SLCO1A2: variants seen among roughly 807,000 people sequenced by gnomAD.
SLCO1A2 encodes solute carrier organic anion transporter family member 1A2.
SLCO1A2 carries 67 observed loss-of-function variants against 69.0 expected under a neutral mutation model. That is an observed-to-expected ratio of 0.97 (90% CI 0.80 to 1.19). The LOEUF (loss-of-function observed/expected upper bound fraction) is 1.19. Among genes scored for constraint, SLCO1A2 ranks in the 50% most tolerant of loss-of-function variants. The pLI, the probability that SLCO1A2 is intolerant of heterozygous loss-of-function variation, is 0.00. For synonymous variants in SLCO1A2, 260 were observed against 265.9 expected (o/e 0.98, Z 0.22); for missense variants, 787 against 793.7 (o/e 0.99, Z 0.10).
At chr12:21,357,597 T>G (rs903206736) in intron 2 of SLCO1A2, among the ~76,000 whole-genome samples, 7 of 152,234 alleles carry the variant, frequency 4.6e-5, no homozygotes, top group Non-Finnish European at 7.3e-5. Flanking sequence ...TATGTAAGGA[T>G]TTAGCGTCCA....
chr12:21,272,564 T>C (rs1343264440), intron 14 of SLCO1A2, among the ~76,000 whole-genome samples: 1 of 152,082 alleles, frequency 6.6e-6, no homozygotes, highest in African/African-American at 2.4e-5. Flanking sequence ...TTAACTTACT[T>C]ATATTTTGTT....
At chr12:21,372,194 T>C (rs1340929320) in intron 2 of SLCO1A2, among the ~76,000 whole-genome samples, 1 of 152,210 alleles carries the variant, frequency 6.6e-6, no homozygotes, top group Non-Finnish European at 1.5e-5. Flanking sequence ...GTAAAATTTC[T>C]GTGTAAGAAT....
intron 3 of SLCO1A2, among the ~76,000 whole-genome samples, chr12:21,317,072 C>T (rs1730297664): frequency 6.6e-6 from 1 of 152,206 alleles, no homozygotes; most frequent in Middle Eastern, 3.4e-3. Flanking sequence ...GCTTCCTTTG[C>T]ACCCATATAG....
intron 2 of SLCO1A2, among the ~76,000 whole-genome samples, chr12:21,363,754 G>A (rs1939135442): frequency 6.6e-6 from 1 of 152,150 alleles, no homozygotes; most frequent in Non-Finnish European, 1.5e-5. Flanking sequence ...TACTATCAGA[G>A]AATACTATAA....
chr12:21,305,006 C>A (rs971753080), intron 5 of SLCO1A2, among the ~76,000 whole-genome samples: 4 of 152,194 alleles, frequency 2.6e-5, no homozygotes, highest in Admixed American at 6.5e-5. Flanking sequence ...AAATATATTT[C>A]TCTAGAATTG....
intron 9 of SLCO1A2, 60 bp downstream of exon 9, chr12:21,297,344 G>A (rs551608856): frequency 3.8e-5 from 50 of 1,300,190 alleles, no homozygotes; most frequent in East Asian, 3.1e-4. Flanking sequence ...TGCTACACCC[G>A]CCATCACACT....
At chr12:21,299,689 G>A (rs1026399320) in intron 8 of SLCO1A2, among the ~76,000 whole-genome samples, 1 of 147,410 alleles carries the variant, frequency 6.8e-6, no homozygotes, top group Non-Finnish European at 1.5e-5. Flanking sequence ...GTTTAAATTT[G>A]CTTGTTCATT....
intron 1 of SLCO1A2, among the ~76,000 whole-genome samples, chr12:21,380,830 C>T (rs1940536092): frequency 6.6e-6 from 1 of 152,066 alleles, no homozygotes; most frequent in Non-Finnish European, 1.5e-5. Context: ...AGCTAGGCAA[C>T]CATGAGCAGG....
At chr12:21,335,706 T>G (rs1344857820), upstream of SLCO1A2, among the ~76,000 whole-genome samples, 1 of 152,116 alleles carries the variant, frequency 6.6e-6, no homozygotes. Flanking sequence ...CTGCTTTACC[T>G]CTACAAATGT....
rs1220244426 is a variant in SLCO1A2, at chr12:21,334,637, G to C, written c.11C>G (p.Thr4Ser). The change falls in exon 2 of 15, where the codon ACT (threonine) becomes AGT (serine). Residue 4 changes from threonine (T) to serine (S), a missense_variant. Coordinates refer to ENST00000683939, the MANE Select transcript of SLCO1A2 (RefSeq NM_001386879.1). MGETEKRIETHRIR... is the reference protein window; with the variant it reads MGESEKRIETHRIR... ...TCTATGGGTTTCAATTCTTTTCTCA[G>C]TTTCTCCCATGTTGCTCTTCAGGGT... The C allele has an allele frequency of 6.2e-7, 1 of 1,609,470 alleles. No individual in the cohort carries two copies. The highest frequency in any genetic ancestry group is 1.7e-5 in the Admixed American group (1 of 59,518).
chr12:21,387,927 C>A (rs374528006), intron 1 of SLCO1A2, among the ~76,000 whole-genome samples: 1 of 152,206 alleles, frequency 6.6e-6, no homozygotes, highest in South Asian at 2.1e-4. Flanking sequence ...TGGAAGCCCA[C>A]CTCTTGCATC....
chr12:21,333,459 A>G (rs1254468228), intron 2 of SLCO1A2, among the ~76,000 whole-genome samples: 1 of 152,108 alleles, frequency 6.6e-6, no homozygotes, highest in Admixed American at 6.6e-5. Context: ...CATGCTTCCT[A>G]ATGAATTTTG....
At chr12:21,410,400 A>G (rs1160145655) in intron 1 of SLCO1A2, among the ~76,000 whole-genome samples, 1 of 152,206 alleles carries the variant, frequency 6.6e-6, no homozygotes, top group Non-Finnish European at 1.5e-5. Flanking sequence ...TTTCTCACTC[A>G]TTGCTATCAT....
At chr12:21,339,298 T>C (rs543714589), upstream of SLCO1A2, among the ~76,000 whole-genome samples, 3 of 151,960 alleles carry the variant, frequency 2.0e-5, no homozygotes, top group Non-Finnish European at 4.4e-5. Flanking sequence ...TGATAGCTAG[T>C]TAGTGCCATA....
At chr12:21,373,425 T>C (rs1939946378) in intron 2 of SLCO1A2, 1 of 1,610,074 alleles carries the variant, frequency 6.2e-7, no homozygotes, top group South Asian at 1.1e-5. Context: ...GCTACACCCA[T>C]TGAAAGGTTG....
At chr12:21,301,000 G>C (rs556054224) in intron 7 of SLCO1A2, among the ~76,000 whole-genome samples, 171 bp downstream of exon 7, 2 of 152,236 alleles carry the variant, frequency 1.3e-5, no homozygotes, top group African/African-American at 4.8e-5. Flanking sequence ...ACTGCTTTCT[G>C]GTTTGGAATA....
chr12:21,408,615 T>C (rs79852740), intron 1 of SLCO1A2, among the ~76,000 whole-genome samples: 1 of 152,138 alleles, frequency 6.6e-6, no homozygotes, highest in South Asian at 2.1e-4. Context: ...CAGTATCATG[T>C]TGAAGATACT....
chr12:21,359,676 G>C (rs941593767), intron 2 of SLCO1A2, among the ~76,000 whole-genome samples: 1 of 151,964 alleles, frequency 6.6e-6, no homozygotes, highest in African/African-American at 2.4e-5. Flanking sequence ...GAACCCAGGA[G>C]GCAGAGCTTG....
At chr12:21,315,790 T>G (rs1685581437) in intron 3 of SLCO1A2, among the ~76,000 whole-genome samples, 1 of 152,206 alleles carries the variant, frequency 6.6e-6, no homozygotes, top group Non-Finnish European at 1.5e-5. Flanking sequence ...CAGAGGCCAT[T>G]GTTTGAAATC....
Sources: gnomAD v4.1 joint callset for allele counts (sites outside exome capture counted in the v4.1 genomes callset) on GRCh38, gnomAD v4.1.1 for gene constraint, MANE v1.5 for transcripts, NCBI Gene and HGNC (gene_info 2026-07-23, HGNC 2026-07-21) for gene names.